The following ADAMTS18 variants were observed in gnomAD, a reference collection of about 807,000 sequenced individuals.
The protein encoded by ADAMTS18 is ADAM metallopeptidase with thrombospondin type 1 motif 18.
ADAMTS18 carries 157 observed loss-of-function variants against 165.9 expected under a neutral mutation model. The ratio of observed to expected loss-of-function variants is 0.95; its 90% CI spans 0.83 to 1.08. ADAMTS18 has a LOEUF of 1.08. ADAMTS18 is among the 50% of genes least tolerant of loss of function. ADAMTS18 has a pLI of 0.00. For missense variants in ADAMTS18, 2,040 were observed against 1,534.0 expected (o/e 1.33, Z -5.51); for synonymous variants, 782 against 578.2 (o/e 1.35, Z -5.06).
intron 16 of ADAMTS18, among the ~76,000 whole-genome samples, chr16:77,319,467 C>G (rs2055947912): frequency 1.3e-5 from 2 of 152,140 alleles, no homozygotes; most frequent in South Asian, 2.1e-4. Flanking sequence ...TGTTTTGAAA[C>G]AGTCTTGCTC....
Position 77,282,570 on chromosome 16 carries a change from T to C in ADAMTS18, c.*1386A>G, listed in dbSNP as rs2055166365. The C allele has an allele frequency of 6.6e-6, 1 of 152,630 alleles. No homozygotes were observed. Among genetic ancestry groups the C allele is most frequent in the African/African-American group, 2.4e-5 (1 of 41,452 alleles). 9.5% of individuals were successfully genotyped at this position (152,630 alleles called of 1,614,324 possible). ...TTATGCTGAGCTGGCTAATCCAGCT[T>C]GAATTGAGACTTTTTAAAGAAGTAA... On this transcript the variant is annotated 3_prime_UTR_variant, in exon 23 of 23. Transcript: ENST00000282849.
intron 3 of ADAMTS18, among the ~76,000 whole-genome samples, chr16:77,425,634 G>T (rs1023199084): frequency 6.6e-6 from 1 of 152,148 alleles, no homozygotes; most frequent in South Asian, 2.1e-4. Flanking sequence ...TTTCCCCAAC[G>T]GGAACACATG....
intron 10 of ADAMTS18, 34 bp downstream of exon 10, chr16:77,353,699 C>T (rs1480239303): frequency 6.2e-7 from 1 of 1,614,108 alleles, no homozygotes; most frequent in Non-Finnish European, 8.5e-7. Flanking sequence ...ATTGCAGAGT[C>T]TTAATGTAAG....
rs190662795 is a variant in ADAMTS18, at chr16:77,331,155, A to G, written c.1859+4601T>C. Among the ~76,000 whole-genome samples, 638 of 152,310 alleles carry G rather than the reference A, an allele frequency of 4.2e-3. 4 individuals carry two copies. The highest frequency in any genetic ancestry group is 0.017 in the Middle Eastern group (5 of 294). The stretch of plus-strand genomic sequence containing the variant: ...ATTCTATTAGGCATCTCTAAATTAC[A>G]ATATGTTGTTTCCATGAACAATGCC... On this transcript the variant is annotated intron_variant, in intron 12 of 22. Coordinates refer to ENST00000282849, the MANE Select transcript of ADAMTS18 (RefSeq NM_199355.4).
At chr16:77,311,674 C>T (rs1017426824) in intron 16 of ADAMTS18, among the ~76,000 whole-genome samples, 6 of 147,854 alleles carry the variant, frequency 4.1e-5, no homozygotes, top group Admixed American at 6.8e-5. Context: ...GAAAAGATAT[C>T]ATAGACAAAA....
chr16:77,325,624 A>G (rs2056079524), intron 13 of ADAMTS18, among the ~76,000 whole-genome samples: 1 of 151,946 alleles, frequency 6.6e-6, no homozygotes, highest in Admixed American at 6.5e-5. Context: ...TTCATTCCAA[A>G]CATATGAAAC....
Position 77,321,124 on chromosome 16 carries a change from A to C in ADAMTS18, c.2242T>G (p.Cys748Gly). Reference protein sequence around the residue: ...CGVCKGDNSTCKFYKGLYLNQ... With the variant: ...CGVCKGDNSTGKFYKGLYLNQ... ...AGGTACAGGCCTTTATAAAACTTGCAAGTTGAATTATCACCTTTGCAAACG... is the reference window on the plus strand; with the variant it reads ...AGGTACAGGCCTTTATAAAACTTGCCAGTTGAATTATCACCTTTGCAAACG... Residue 748 changes from cysteine to glycine, a missense_variant, in exon 15 of 23, where the codon TGC (cysteine) becomes GGC (glycine). Cys to Gly is a radical substitution (Grantham distance 159). Coordinates refer to ENST00000282849, the MANE Select transcript of ADAMTS18 (RefSeq NM_199355.4). 2 of 1,614,168 alleles carry C rather than the reference A, an allele frequency of 1.2e-6. No homozygotes were observed.
At chr16:77,385,706 C>A (rs2057097098) in intron 3 of ADAMTS18, among the ~76,000 whole-genome samples, 1 of 152,172 alleles carries the variant, frequency 6.6e-6, no homozygotes, top group Non-Finnish European at 1.5e-5. Context: ...ACCCATTGGG[C>A]AGGTGCACAG....
chr16:77,420,482 G>A (rs532243786), intron 3 of ADAMTS18, among the ~76,000 whole-genome samples: 6 of 152,118 alleles, frequency 3.9e-5, no homozygotes, highest in Non-Finnish European at 7.3e-5. Context: ...GAGCATAAGC[G>A]TCTGTGTTTT....
chr16:77,314,723 C>G lies in ADAMTS18; in HGVS notation c.2532+5126G>C, dbSNP rs2055850704. Among the ~76,000 whole-genome samples, 2 of 98,034 alleles carry G rather than the reference C, an allele frequency of 2.0e-5. 1 individual carries two copies. Among genetic ancestry groups the G allele is most frequent in the African/African-American group, 7.9e-5 (2 of 25,424 alleles). The allele number at this position is 98,034 out of a possible 152,430, so 64.3% of individuals were successfully genotyped here. On this transcript the variant is annotated intron_variant, in intron 16 of 22. Transcript: ENST00000282849. ...CCTAAGGCTGAACTTGACTTGTGAT[C>G]ACCAGTTTGCTAAATATGGTCTCAG... is the stretch of plus-strand genomic sequence containing the variant.
intron 19 of ADAMTS18, among the ~76,000 whole-genome samples, 186 bp from the exon 20 acceptor site, chr16:77,293,444 C>T (rs1567457826): frequency 6.6e-6 from 1 of 151,968 alleles, no homozygotes; most frequent in South Asian, 2.1e-4. Flanking sequence ...CTGGCTAAAA[C>T]AATTATTTGA....
intron 3 of ADAMTS18, among the ~76,000 whole-genome samples, chr16:77,425,832 G>A (rs1295704057): frequency 1.3e-5 from 2 of 152,002 alleles, no homozygotes; most frequent in South Asian, 2.1e-4. Context: ...CACCTGAGGT[G>A]AGGAGTTCAA....
intron 2 of ADAMTS18, chr16:77,432,457 C>G (rs2057750880): frequency 6.6e-6 from 1 of 152,106 alleles, no homozygotes; most frequent in South Asian, 2.1e-4. Context: ...CTGAATGTTC[C>G]AAAGAGGAGG....
rs137990191 is a variant in ADAMTS18, at chr16:77,327,003, C to T, written c.1860-965G>A. On this transcript the variant is annotated intron_variant, in intron 12 of 22. Coordinates refer to ENST00000282849, the MANE Select transcript of ADAMTS18 (RefSeq NM_199355.4). The stretch of plus-strand genomic sequence containing the variant: ...TACAAGAATGACCTCCAGCTCTATC[C>T]ATCTGACAGCAAAGGACATGATCTC... Among the ~76,000 whole-genome samples the T allele has an allele frequency of 4.3e-3, 660 of 152,304 alleles. 6 individuals are homozygous for T. Among genetic ancestry groups the T allele is most frequent in the African/African-American group, 0.015 (605 of 41,566 alleles).
chr16:77,334,095 A>C (rs1483714478), intron 12 of ADAMTS18, among the ~76,000 whole-genome samples: 25 of 86,120 alleles, frequency 2.9e-4, no homozygotes, highest in East Asian at 4.5e-4. Context: ...GTTATATATT[A>C]TATATAATAT....
intron 16 of ADAMTS18, among the ~76,000 whole-genome samples, chr16:77,317,302 A>C (rs2055904835): frequency 1.3e-5 from 2 of 152,186 alleles, no homozygotes; most frequent in South Asian, 4.1e-4. Flanking sequence ...ACTCAAGAGC[A>C]GCTCAGTGCA....
intron 3 of ADAMTS18, among the ~76,000 whole-genome samples, chr16:77,427,110 G>A (rs1020023061): frequency 1.3e-5 from 2 of 152,174 alleles, no homozygotes; most frequent in African/African-American, 4.8e-5. Flanking sequence ...ATATTCGTAT[G>A]CATCAGAATC....
At chr16:77,368,607 G>C (rs562515900) in intron 3 of ADAMTS18, among the ~76,000 whole-genome samples, 1 of 151,620 alleles carries the variant, frequency 6.6e-6, no homozygotes, top group African/African-American at 2.4e-5. Flanking sequence ...CAGAAATGCG[G>C]TCTATATTGC....
At chr16:77,412,804 G>C (rs148868495) in intron 3 of ADAMTS18, among the ~76,000 whole-genome samples, 1 of 152,130 alleles carries the variant, frequency 6.6e-6, no homozygotes, top group African/African-American at 2.4e-5. Context: ...TCTCCCACCA[G>C]GTCCCTCCCA....
Sources: gnomAD v4.1 joint callset for allele counts (sites outside exome capture counted in the v4.1 genomes callset) on GRCh38, gnomAD v4.1.1 for gene constraint, MANE v1.5 for transcripts, NCBI Gene and HGNC (gene_info 2026-07-23, HGNC 2026-07-21) for gene names.